The following NTRK1 variants were observed in gnomAD, a reference collection of about 807,000 sequenced individuals.
The protein encoded by NTRK1 is neurotrophic receptor tyrosine kinase 1, also known as high affinity nerve growth factor receptor.
A neutral mutation model predicts 86.8 loss-of-function variants in NTRK1; 62 were observed. The ratio of observed to expected loss-of-function variants is 0.71; its 90% CI spans 0.58 to 0.88. The LOEUF (loss-of-function observed/expected upper bound fraction) is 0.88. Among genes scored for constraint, NTRK1 ranks in the 40% least tolerant of loss-of-function variants. The pLI is 0.00. For synonymous variants in NTRK1, 469 were observed against 456.6 expected (o/e 1.03, Z -0.35); for missense variants, 967 against 1,078.4 (o/e 0.90, Z 1.45).
At chr1:156,862,907 C>T (rs1314630273) in intron 1 of NTRK1, among the ~76,000 whole-genome samples, 1 of 152,094 alleles carries the variant, frequency 6.6e-6, no homozygotes, top group Non-Finnish European at 1.5e-5. Flanking sequence ...AACTTAGGAC[C>T]TGATCCTGGC....
chr1:156,838,509 A>G (rs1274112722), intron 1 of NTRK1, among the ~76,000 whole-genome samples: 1 of 151,910 alleles, frequency 6.6e-6, no homozygotes, highest in Admixed American at 6.6e-5. Flanking sequence ...CTCCAGGTCA[A>G]CCTGTTGTCT....
chr1:156,841,069 G>C, intron 1 of NTRK1: 3 of 1,573,158 alleles, frequency 1.9e-6, no homozygotes, highest in Non-Finnish European at 2.6e-6. Flanking sequence ...GCGCAGGCGT[G>C]GGTTCGGCTG....
chr1:156,827,270 A>T (rs11264564), intron 1 of NTRK1, among the ~76,000 whole-genome samples: 3 of 144,952 alleles, frequency 2.1e-5, no homozygotes, highest in Non-Finnish European at 4.6e-5. Flanking sequence ...TTATTTTTTT[A>T]TTTTTTTTTG....
intron 1 of NTRK1, chr1:156,816,223 A>G: frequency 1.4e-6 from 2 of 1,423,390 alleles, no homozygotes; most frequent in Non-Finnish European, 1.9e-6. Flanking sequence ...AAAAACGCAG[A>G]AGGGCAGCAG....
intron 2 of NTRK1, chr1:156,843,289 C>A (rs1055833327): frequency 1.9e-6 from 3 of 1,572,628 alleles, no homozygotes; most frequent in Non-Finnish European, 2.6e-6. Flanking sequence ...CACACCTCAC[C>A]CCCCAACTTC....
At chr1:156,867,818 T>C (rs545735122) in intron 4 of NTRK1, among the ~76,000 whole-genome samples, 23 of 152,086 alleles carry the variant, frequency 1.5e-4, no homozygotes, top group Non-Finnish European at 2.2e-4. Flanking sequence ...GGACTACAGG[T>C]GCCCGCCACC....
chr1:156,817,141 A>G (rs1654022071), intron 1 of NTRK1, among the ~76,000 whole-genome samples: 1 of 146,094 alleles, frequency 6.8e-6, no homozygotes, highest in Non-Finnish European at 1.5e-5. Flanking sequence ...GCCTGTTCTG[A>G]GCAGTGGGAA....
chr1:156,868,782 AT>A, intron 6 of NTRK1, 135 bp downstream of exon 6: 1 of 1,378,268 alleles, frequency 7.3e-7, no homozygotes, highest in Non-Finnish European at 9.9e-7. Context: ...ACGGACAGAG[AT>A]GGTTTAGACC....
intron 11 of NTRK1, 58 bp downstream of exon 11, chr1:156,875,066 C>T (rs1647817336): frequency 8.1e-7 from 1 of 1,229,916 alleles, no homozygotes; most frequent in South Asian, 1.2e-5. Flanking sequence ...TTGTTTCCTA[C>T]TGGCTCTTCC....
At chr1:156,840,790 G>C (rs867185775) in intron 1 of NTRK1, 9 of 1,067,472 alleles carry the variant, frequency 8.4e-6, no homozygotes, top group Middle Eastern at 2.8e-4. Flanking sequence ...TGGGGTGGGG[G>C]TGAACATTCA....
chr1:156,863,356 CTT>C (rs1655770515), intron 1 of NTRK1, among the ~76,000 whole-genome samples: 1 of 152,052 alleles, frequency 6.6e-6, no homozygotes, highest in South Asian at 2.1e-4. Flanking sequence ...TTCACTCTCT[CTT>C]TGTTTTTCTG....
chr1:156,851,170 A>C, intron 2 of NTRK1: 1 of 1,036,610 alleles, frequency 9.6e-7, no homozygotes, highest in Non-Finnish European at 1.5e-6. Context: ...TAACCTACTT[A>C]GAGTCACACG....
chr1:156,879,383 A>G (rs949614489), intron 15 of NTRK1, 21 bp downstream of exon 15: 13 of 1,587,704 alleles, frequency 8.2e-6, no homozygotes, highest in Admixed American at 3.3e-5. Context: ...TTTGTCCCCA[A>G]CGCCTTCCCC....
At chr1:156,825,121 T>G (rs1384258228) in intron 1 of NTRK1, among the ~76,000 whole-genome samples, 1 of 152,160 alleles carries the variant, frequency 6.6e-6, no homozygotes, top group African/African-American at 2.4e-5. Context: ...ACTCCCGACC[T>G]CAGGTGATCC....
At chr1:156,849,600 C>T in intron 2 of NTRK1, 1 of 646,668 alleles carries the variant, frequency 1.5e-6, no homozygotes, top group South Asian at 1.8e-5. Context: ...CACCAGCACA[C>T]CGGGGGCATT....
rs991931375 is a variant in NTRK1 at position 156,875,894 on chromosome 1, C to T, written c.1502-186C>T. ...ACAGCTAGCCCAAACCATGTCCTCT[C>T]GGGGCAGGTGCAGCCCCACACTATG... On this transcript the variant is annotated intron_variant, in intron 12 of 16. Coordinates refer to ENST00000524377, the MANE Select transcript of NTRK1 (RefSeq NM_002529.4). 2.1e-5 allele frequency: 23 copies of T among 1,106,712 alleles called. No individual in the cohort carries two copies. The Middle Eastern group carries it at 8.6e-4, about 41-fold the overall frequency. 68.6% of individuals were successfully genotyped at this position (1,106,712 alleles called of 1,614,324 possible).
chr1:156,860,687 G>A, upstream of NTRK1: 2 of 588,384 alleles, frequency 3.4e-6, no homozygotes, highest in South Asian at 3.8e-5. Flanking sequence ...GAGCTGAGGC[G>A]GATCCTCGGG....
intron 7 of NTRK1, among the ~76,000 whole-genome samples, chr1:156,873,018 AGTGTGTGTGTGTGTGTGTGTGTGT>A (rs55870362): frequency 7.6e-6 from 1 of 130,954 alleles, no homozygotes; most frequent in African/African-American, 2.9e-5. Flanking sequence ...TTTCAAAAAG[AGTGTGTGTGTGTGTGTGTGTGTGT>A]GTGTGTGTGT....
At chr1:156,857,511 G>A (rs1479025192), upstream of NTRK1, among the ~76,000 whole-genome samples, 1 of 152,166 alleles carries the variant, frequency 6.6e-6, no homozygotes, top group Non-Finnish European at 1.5e-5. Flanking sequence ...GCCCCTCCAA[G>A]GATGTGCTCC....
Sources: gnomAD v4.1 joint callset for allele counts (sites outside exome capture counted in the v4.1 genomes callset) on GRCh38, gnomAD v4.1.1 for gene constraint, MANE v1.5 for transcripts, NCBI Gene and HGNC (gene_info 2026-07-23, HGNC 2026-07-21) for gene names.